PCSK5: variants seen among roughly 807,000 people sequenced by gnomAD.
PCSK5 encodes the protein proprotein convertase subtilisin/kexin type 5, also known as prohormone convertase 5.
Under a neutral mutation model 233.2 loss-of-function variants are expected in PCSK5, and 129 were observed. The ratio of observed to expected loss-of-function variants is 0.55; its 90% CI spans 0.48 to 0.64. PCSK5 has a LOEUF of 0.64. Ranked by LOEUF, PCSK5 falls within the 30% of genes least tolerant of loss-of-function variation. The pLI, the probability that PCSK5 is intolerant of heterozygous loss-of-function variation, is 0.00. For synonymous variants in PCSK5, 825 were observed against 879.2 expected, an observed-to-expected ratio of 0.94 and a Z score of 1.09; for missense variants, 2,076 against 2,430.1, an observed-to-expected ratio of 0.85 and a Z score of 3.06.
intron 17 of PCSK5, 95 bp downstream of exon 17, chr9:76,184,852 C>T (rs973014362): frequency 4.3e-6 from 3 of 690,828 alleles, no homozygotes; most frequent in African/African-American, 3.6e-5. Context: ...ATAAACAGCT[C>T]TCTTATGATC....
At chr9:75,950,441 A>G (rs1008869762) in intron 2 of PCSK5, among the ~76,000 whole-genome samples, 2 of 152,282 alleles carry the variant, frequency 1.3e-5, no homozygotes, top group Middle Eastern at 3.4e-3. Context: ...TGAAAGGCCT[A>G]AATTATTTGT....
intron 22 of PCSK5, among the ~76,000 whole-genome samples, chr9:76,235,694 A>T (rs1164683322): frequency 2.6e-5 from 4 of 152,214 alleles, no homozygotes; most frequent in South Asian, 2.1e-4. Flanking sequence ...TGCATGGTAG[A>T]AATCCTATCC....
chr9:76,187,503 A>G (rs542560202), intron 17 of PCSK5, among the ~76,000 whole-genome samples: 53 of 152,188 alleles, frequency 3.5e-4, no homozygotes, highest in African/African-American at 1.3e-3. Flanking sequence ...CTGGGACTGC[A>G]GGCAGGCACC....
At chr9:75,957,521 T>C (rs1825148227) in intron 2 of PCSK5, among the ~76,000 whole-genome samples, 1 of 152,124 alleles carries the variant, frequency 6.6e-6, no homozygotes, top group Admixed American at 6.6e-5. Flanking sequence ...AAAATCTTCC[T>C]CCAATTTTCT....
chr9:76,339,344 A>C (rs1381187896), intron 35 of PCSK5, among the ~76,000 whole-genome samples: 1 of 152,058 alleles, frequency 6.6e-6, no homozygotes, highest in African/African-American at 2.4e-5. Context: ...CTTTTATATA[A>C]ATATGTAACC....
At chr9:75,910,462 G>T (rs186526960) in intron 1 of PCSK5, among the ~76,000 whole-genome samples, 2 of 152,302 alleles carry the variant, frequency 1.3e-5, no homozygotes, top group African/African-American at 4.8e-5. Context: ...TGCTCTCAGA[G>T]TTGCTTCTTT....
At chr9:76,263,967 A>C (rs1827259799) in intron 24 of PCSK5, among the ~76,000 whole-genome samples, 1 of 152,168 alleles carries the variant, frequency 6.6e-6, no homozygotes, top group Non-Finnish European at 1.5e-5. Context: ...TCTAAAACTT[A>C]TATGGAACCA....
At chr9:75,954,424 G>C (rs180736134) in intron 2 of PCSK5, among the ~76,000 whole-genome samples, 1 of 152,026 alleles carries the variant, frequency 6.6e-6, no homozygotes, top group African/African-American at 2.4e-5. Context: ...TCCCCCTCCC[G>C]CTCCTAGTAT....
chr9:75,893,252 T>TA (rs1248979359), intron 1 of PCSK5, among the ~76,000 whole-genome samples: 1 of 152,174 alleles, frequency 6.6e-6, no homozygotes, highest in Non-Finnish European at 1.5e-5. Context: ...TGGTGAATAT[T>TA]ACCTCACACA....
intron 34 of PCSK5, among the ~76,000 whole-genome samples, chr9:76,334,590 G>C (rs1387184841): frequency 6.6e-6 from 1 of 152,142 alleles, no homozygotes; most frequent in Non-Finnish European, 1.5e-5. Flanking sequence ...AACTAGCCAG[G>C]CATGGTGGCA....
chr9:76,267,901 A>G (rs1827385332), intron 24 of PCSK5, among the ~76,000 whole-genome samples: 1 of 152,038 alleles, frequency 6.6e-6, no homozygotes, highest in Non-Finnish European at 1.5e-5. Flanking sequence ...CTTTTTATTC[A>G]GTAATGCACT....
intron 1 of PCSK5, among the ~76,000 whole-genome samples, chr9:75,903,599 T>C (rs1187207199): frequency 7.7e-6 from 1 of 130,340 alleles, no homozygotes; most frequent in African/African-American, 3.2e-5. Flanking sequence ...AAATATATAT[T>C]ATATATATAT....
At chr9:76,246,727 T>G (rs1397016608) in intron 24 of PCSK5, among the ~76,000 whole-genome samples, 1 of 152,198 alleles carries the variant, frequency 6.6e-6, no homozygotes, top group African/African-American at 2.4e-5. Flanking sequence ...ATATACACAA[T>G]AGAGCACTCT....
chr9:75,911,593 ACAGTCAT>A (rs1219742692), intron 1 of PCSK5, among the ~76,000 whole-genome samples: 1 of 152,152 alleles, frequency 6.6e-6, no homozygotes, highest in East Asian at 1.9e-4. Context: ...GTTTAACACC[ACAGTCAT>A]TATTGCTTCT....
At chr9:76,356,416 T>G (rs1419802272) in intron 37 of PCSK5, among the ~76,000 whole-genome samples, 1 of 152,184 alleles carries the variant, frequency 6.6e-6, no homozygotes, top group Non-Finnish European at 1.5e-5. Flanking sequence ...TCTGCAGACC[T>G]GGGATGGAGA....
At chr9:76,068,603 T>C (rs1830370869) in intron 6 of PCSK5, among the ~76,000 whole-genome samples, 1 of 152,220 alleles carries the variant, frequency 6.6e-6, no homozygotes, top group African/African-American at 2.4e-5. Context: ...CAGGCATGTA[T>C]ACGTAAAAAC....
intron 21 of PCSK5, among the ~76,000 whole-genome samples, chr9:76,233,115 G>T (rs1364454460): frequency 1.3e-5 from 2 of 152,198 alleles, no homozygotes; most frequent in African/African-American, 4.8e-5. Flanking sequence ...CACTAAGTGT[G>T]TGGAAAGTTT....
intron 9 of PCSK5, among the ~76,000 whole-genome samples, chr9:76,112,345 C>G (rs534555265): frequency 1.4e-4 from 21 of 152,234 alleles, no homozygotes; most frequent in African/African-American, 4.3e-4. Flanking sequence ...CATTTCATAT[C>G]TCAGAGGCCA....
At chr9:76,241,825 C>A (rs903647639) in intron 24 of PCSK5, among the ~76,000 whole-genome samples, 1 of 152,166 alleles carries the variant, frequency 6.6e-6, no homozygotes, top group African/African-American at 2.4e-5. Context: ...CTTCATGGAA[C>A]TTCCATGAAG....
Sources: gnomAD v4.1 joint callset for allele counts (sites outside exome capture counted in the v4.1 genomes callset) on GRCh38, gnomAD v4.1.1 for gene constraint, MANE v1.5 for transcripts, NCBI Gene and HGNC (gene_info 2026-07-23, HGNC 2026-07-21) for gene names.